The following SBF2 variants were observed in gnomAD, a reference collection of about 807,000 sequenced individuals.
SBF2 encodes myotubularin-related protein 13.
SBF2 carries 112 observed loss-of-function variants against 225.2 expected under a neutral mutation model. The ratio of observed to expected loss-of-function variants is 0.50; its 90% CI spans 0.43 to 0.58. The LOEUF is 0.58. Ranked by LOEUF, SBF2 falls within the 20% of genes least tolerant of loss-of-function variation. The probability of loss-of-function intolerance (pLI) is 0.00; values close to 1 mark genes in which losing one functional copy is unlikely to be tolerated. For missense variants in SBF2, 1,996 were observed against 2,206.2 expected, an observed-to-expected ratio of 0.90 and a Z score of 1.91; for synonymous variants, 763 against 773.3, an observed-to-expected ratio of 0.99 and a Z score of 0.22.
At chr11:9,947,533 C>A (rs1218822141) in intron 16 of SBF2, among the ~76,000 whole-genome samples, 1 of 152,182 alleles carries the variant, frequency 6.6e-6, no homozygotes, top group Non-Finnish European at 1.5e-5. Context: ...TTTAGCTAAG[C>A]TGGTACTACA....
At chr11:9,807,484 T>C (rs1375580253) in intron 32 of SBF2, among the ~76,000 whole-genome samples, 1 of 152,382 alleles carries the variant, frequency 6.6e-6, no homozygotes, top group East Asian at 1.9e-4. Flanking sequence ...CATTCTTTTG[T>C]ATGGCTGCAT....
intron 1 of SBF2, among the ~76,000 whole-genome samples, chr11:10,231,314 A>G (rs1414761568): frequency 6.6e-6 from 1 of 152,118 alleles, no homozygotes; most frequent in African/African-American, 2.4e-5. Flanking sequence ...AACTCGTCAA[A>G]GTCATTCTCC....
intron 1 of SBF2, among the ~76,000 whole-genome samples, chr11:10,257,913 C>T (rs543989980): frequency 2.6e-5 from 4 of 151,886 alleles, no homozygotes; most frequent in South Asian, 4.1e-4. Context: ...AACGAGATCG[C>T]GCCAGTGCAC....
chr11:10,015,137 CAAT>C (rs924612030), intron 6 of SBF2, among the ~76,000 whole-genome samples: 1 of 151,658 alleles, frequency 6.6e-6, no homozygotes, highest in African/African-American at 2.4e-5. Context: ...CACCCTGTCT[CAAT>C]AATAATAATA....
At chr11:10,231,195 C>A (rs1958827040) in intron 1 of SBF2, among the ~76,000 whole-genome samples, 1 of 152,116 alleles carries the variant, frequency 6.6e-6, no homozygotes, top group South Asian at 2.1e-4. Context: ...ATTGGTTATT[C>A]TAGTTAGCCA....
rs1477403655 is a variant in SBF2 at position 9,808,024 on chromosome 11, T to A, written c.4419A>T (p.Leu1473Phe). The change falls in exon 32 of 40, where the codon TTA becomes TTT. Residue 1473 changes from leucine (L) to phenylalanine (F), a missense_variant. Leu to Phe is a conservative substitution (Grantham distance 22). Coordinates refer to ENST00000256190, the MANE Select transcript of SBF2 (RefSeq NM_030962.4). ...CCTGGTGTACACAGTCTAAGAACTG[T>A]AAGAAGACTGGAGCAAAACCACTCC... ...CQGSGFAPVF[L>F]QFLDCVHQVH... 6.2e-7 allele frequency: 1 copy of A among 1,614,150 alleles called. No individual in the cohort carries two copies.
At chr11:10,138,946 C>G (rs1376803339) in intron 2 of SBF2, among the ~76,000 whole-genome samples, 1 of 152,150 alleles carries the variant, frequency 6.6e-6, no homozygotes, top group Non-Finnish European at 1.5e-5. Context: ...CTTGGAAAGT[C>G]TTCATGCATC....
intron 26 of SBF2, among the ~76,000 whole-genome samples, chr11:9,837,794 G>C (rs1855826688): frequency 6.6e-6 from 1 of 151,982 alleles, no homozygotes; most frequent in African/African-American, 2.4e-5. Flanking sequence ...CTGGAGTGCA[G>C]TAGCTTGACC....
At chr11:9,788,980 T>C in intron 35 of SBF2, 129 bp downstream of exon 35, 2 of 778,130 alleles carry the variant, frequency 2.6e-6, no homozygotes, top group Non-Finnish European at 4.4e-6. Context: ...GCAAATCTGG[T>C]TTCTTCATAA....
intron 2 of SBF2, among the ~76,000 whole-genome samples, chr11:10,173,365 G>T (rs1282058062): frequency 6.6e-6 from 1 of 152,208 alleles, no homozygotes; most frequent in East Asian, 1.9e-4. Flanking sequence ...AAGGGGTCAG[G>T]GAGTTCCCTT....
rs182829797 is a variant in SBF2, at chr11:10,021,190, A to G, written c.619+7262T>C. The stretch of plus-strand genomic sequence containing the variant: ...GTTGGATACATTTTCTAAAACTAGT[A>G]CATGTTCTAGTAAAATCCAAATTAC... On this transcript the variant is annotated intron_variant, in intron 6 of 39. Transcript: ENST00000256190. Among the ~76,000 whole-genome samples, 9 of 152,334 alleles carry G rather than the reference A, an allele frequency of 5.9e-5. No homozygotes were observed. The East Asian group carries it at 1.5e-3, about 26-fold the overall frequency.
intron 30 of SBF2, chr11:9,809,385 T>G (rs1854041378): frequency 5.5e-6 from 1 of 181,426 alleles, no homozygotes; most frequent in Non-Finnish European, 1.2e-5. Context: ...GAAATAAAAT[T>G]ACCTTACATG....
At chr11:9,873,217 A>AG (rs1326321637) in intron 17 of SBF2, among the ~76,000 whole-genome samples, 1 of 151,414 alleles carries the variant, frequency 6.6e-6, no homozygotes, top group African/African-American at 2.4e-5. Flanking sequence ...AAAAAAAAAA[A>AG]AAAAAAAAAA....
chr11:10,236,323 ATAG>A (rs1162762356), intron 1 of SBF2, among the ~76,000 whole-genome samples: 6 of 151,986 alleles, frequency 3.9e-5, no homozygotes, highest in Non-Finnish European at 8.8e-5. Flanking sequence ...TTATTTGGGT[ATAG>A]TAGTATGCAT....
intron 2 of SBF2, among the ~76,000 whole-genome samples, chr11:10,087,377 A>T (rs1951611874): frequency 6.6e-6 from 1 of 152,202 alleles, no homozygotes; most frequent in African/African-American, 2.4e-5. Context: ...TAAACAGCTT[A>T]AACAGATAAC....
chr11:10,096,557 T>A (rs1019627290), intron 2 of SBF2, among the ~76,000 whole-genome samples: 2 of 151,988 alleles, frequency 1.3e-5, no homozygotes, highest in Non-Finnish European at 2.9e-5. Flanking sequence ...ATTGTTATCA[T>A]AACAATACTT....
chr11:9,866,364 T>G (rs758473731), intron 17 of SBF2, among the ~76,000 whole-genome samples: 7 of 152,114 alleles, frequency 4.6e-5, no homozygotes, highest in Non-Finnish European at 7.4e-5. Context: ...AGCATGGTAC[T>G]GCCATAAAAA....
intron 2 of SBF2, among the ~76,000 whole-genome samples, chr11:10,145,427 C>T (rs758668444): frequency 6.6e-6 from 1 of 151,982 alleles, no homozygotes; most frequent in Non-Finnish European, 1.5e-5. Context: ...TTGTTCCAAT[C>T]AGTTATGAGA....
In SBF2 at chr11:10,176,651, A is replaced by G. The variant is rs1488645016; in HGVS notation, c.141+17251T>C. 5.3e-5 allele frequency among the ~76,000 whole-genome samples: 8 copies of G among 152,326 alleles called. No individual in the cohort carries two copies. The South Asian group carries it at 1.0e-3, about 20-fold the overall frequency. On this transcript the variant is annotated intron_variant, in intron 2 of 39. Transcript: ENST00000256190. Reference sequence around the variant, plus strand: ...CCAAGACTAAACCAGGAAGAAGTTGAATCTCTGAATAGACCAATAACAGGA... The same window carrying G: ...CCAAGACTAAACCAGGAAGAAGTTGGATCTCTGAATAGACCAATAACAGGA...
Sources: gnomAD v4.1 joint callset for allele counts (sites outside exome capture counted in the v4.1 genomes callset) on GRCh38, gnomAD v4.1.1 for gene constraint, MANE v1.5 for transcripts, NCBI Gene and HGNC (gene_info 2026-07-23, HGNC 2026-07-21) for gene names.